The following MSRA variants were observed in gnomAD, a reference collection of about 807,000 sequenced individuals.
MSRA encodes the protein mitochondrial peptide methionine sulfoxide reductase.
A neutral mutation model predicts 31.3 loss-of-function variants in MSRA; 54 were observed. The observed-to-expected ratio is 1.73, with a 90% CI of 1.39 to 2.17. The LOEUF (loss-of-function observed/expected upper bound fraction) is 2.17, where lower values mean the gene tolerates loss of function less well. MSRA is among the 30% of genes most tolerant of loss of function. The pLI is 0.00. For synonymous variants in MSRA, 169 were observed against 116.5 expected (o/e 1.45, Z -2.90); for missense variants, 507 against 300.9 (o/e 1.69, Z -5.07).
intron 1 of MSRA, among the ~76,000 whole-genome samples, chr8:10,145,856 A>T (rs1462740025): frequency 6.6e-6 from 1 of 152,206 alleles, no homozygotes; most frequent in Admixed American, 6.5e-5. Context: ...TGATTTTGGC[A>T]TTGTAACTTG....
intron 3 of MSRA, among the ~76,000 whole-genome samples, chr8:10,263,363 GC>G (rs1798578416): frequency 6.6e-6 from 1 of 152,092 alleles, no homozygotes; most frequent in African/African-American, 2.4e-5. Context: ...GTGCTTCAGT[GC>G]TTACCATTCA....
chr8:10,291,727 TA>T (rs891183239), intron 3 of MSRA, among the ~76,000 whole-genome samples: 1 of 152,174 alleles, frequency 6.6e-6, no homozygotes, highest in African/African-American at 2.4e-5. Context: ...TGATTTGGTT[TA>T]ACGGTTTGGA....
chr8:10,325,189 T>C (rs576597385), intron 5 of MSRA, among the ~76,000 whole-genome samples: 1 of 152,264 alleles, frequency 6.6e-6, no homozygotes, highest in Admixed American at 6.5e-5. Flanking sequence ...AGGAATGATT[T>C]GCCACGATGG....
chr8:10,085,057 G>A (rs1798488092), intron 1 of MSRA, among the ~76,000 whole-genome samples: 1 of 151,986 alleles, frequency 6.6e-6, no homozygotes, highest in African/African-American at 2.4e-5. Context: ...TTTAAATATG[G>A]CAAAAATCGT....
At chr8:10,115,329 G>C (rs190554519) in intron 1 of MSRA, among the ~76,000 whole-genome samples, 2 of 152,334 alleles carry the variant, frequency 1.3e-5, no homozygotes, top group African/African-American at 4.8e-5. Flanking sequence ...TCACAGCGAA[G>C]AGGCCATTGA....
chr8:10,277,650 C>G (rs958790581), intron 3 of MSRA, among the ~76,000 whole-genome samples: 1 of 152,116 alleles, frequency 6.6e-6, no homozygotes, highest in African/African-American at 2.4e-5. Context: ...GTCAAAGAGC[C>G]TCAAATAACC....
chr8:10,082,500 A>T (rs561567931), intron 1 of MSRA, among the ~76,000 whole-genome samples: 1 of 152,198 alleles, frequency 6.6e-6, no homozygotes, highest in Admixed American at 6.5e-5. Flanking sequence ...CACAAAACAG[A>T]TGGAGCACTT....
intron 4 of MSRA, among the ~76,000 whole-genome samples, chr8:10,315,565 A>G (rs1801664895): frequency 6.6e-6 from 1 of 152,216 alleles, no homozygotes; most frequent in Admixed American, 6.5e-5. Context: ...TCTGGAAACT[A>G]CAAAGGTATA....
rs544925737 is a variant in MSRA, at chr8:10,085,237, G to A, written c.142+30579G>A. On this transcript the variant is annotated intron_variant, in intron 1 of 5. Transcript: ENST00000317173. ...CACATCCTGAGCATTCCTGCCTTTG[G>A]GTTTGTTCTTGAGAATACCCACCCT... 3.3e-5 allele frequency among the ~76,000 whole-genome samples: 5 copies of A among 152,020 alleles called. No individual in the cohort carries two copies. In the South Asian group the frequency reaches 8.3e-4, roughly 25 times the overall value.
rs530827835 is a variant in MSRA at position 10,106,811 on chromosome 8, A to C, written c.142+52153A>C. 1.9e-4 allele frequency among the ~76,000 whole-genome samples: 29 copies of C among 150,562 alleles called. No homozygotes were observed. The South Asian group carries it at 6.1e-3, about 31-fold the overall frequency. On this transcript the variant is annotated intron_variant, in intron 1 of 5. Transcript: ENST00000317173. Reference sequence around the variant, plus strand: ...CCTTAGGTCATTCCTTCTGTCTGCTACCCACCCACCTACCTACCCACTCAC... The same window carrying C: ...CCTTAGGTCATTCCTTCTGTCTGCTCCCCACCCACCTACCTACCCACTCAC...
At chr8:10,178,831 C>G (rs138065620) in intron 1 of MSRA, among the ~76,000 whole-genome samples, 41 of 152,262 alleles carry the variant, frequency 2.7e-4, no homozygotes, top group Middle Eastern at 3.4e-3. Flanking sequence ...AATAAAATAA[C>G]TGTTGTTTCC....
chr8:10,128,188 G>A (rs369934088), intron 1 of MSRA, among the ~76,000 whole-genome samples: 7 of 152,132 alleles, frequency 4.6e-5, no homozygotes, highest in African/African-American at 1.7e-4. Context: ...GACCAGCCTG[G>A]CCAACATGAT....
At chr8:10,366,855 G>A (rs146124062) in intron 5 of MSRA, among the ~76,000 whole-genome samples, 108 of 152,258 alleles carry the variant, frequency 7.1e-4, no homozygotes, top group African/African-American at 2.3e-3. Flanking sequence ...CTGACCACCA[G>A]ACCCAAGGCT....
In MSRA at chr8:10,087,359, C is replaced by G. The variant is rs576083996; in HGVS notation, c.142+32701C>G. On this transcript the variant is annotated intron_variant, in intron 1 of 5. Coordinates refer to ENST00000317173, the MANE Select transcript of MSRA (RefSeq NM_012331.5). ...TTTATAATGATTTGTTTGCATGTCT[C>G]TCTGTCTGTCCTGAGCTCCATGATG... Among the ~76,000 whole-genome samples the G allele has an allele frequency of 3.3e-5, 5 of 152,312 alleles. No individual in the cohort carries two copies. In the South Asian group the frequency reaches 8.3e-4, roughly 25 times the overall value.
chr8:10,287,649 C>T (rs982549809), intron 3 of MSRA, among the ~76,000 whole-genome samples: 1 of 152,190 alleles, frequency 6.6e-6, no homozygotes, highest in Non-Finnish European at 1.5e-5. Flanking sequence ...TGAATTTTTG[C>T]TCAGGGCTTT....
chr8:10,287,789 A>G (rs559710731), intron 3 of MSRA, among the ~76,000 whole-genome samples: 2 of 152,284 alleles, frequency 1.3e-5, no homozygotes, highest in African/African-American at 4.8e-5. Flanking sequence ...CCAGGGGTCA[A>G]GGGGACCATG....
intron 5 of MSRA, among the ~76,000 whole-genome samples, chr8:10,325,477 A>C (rs1802308600): frequency 2.0e-5 from 3 of 152,162 alleles, no homozygotes; most frequent in Admixed American, 2.0e-4. Context: ...ATCTGTGTAC[A>C]TATATTTGTT....
At chr8:10,173,167 C>G (rs1805747601) in intron 1 of MSRA, among the ~76,000 whole-genome samples, 1 of 152,224 alleles carries the variant, frequency 6.6e-6, no homozygotes. Context: ...TATTTAAAAT[C>G]TTAGTGCTTT....
chr8:10,213,741 G>C (rs1305961877), intron 2 of MSRA, among the ~76,000 whole-genome samples: 3 of 152,028 alleles, frequency 2.0e-5, no homozygotes, highest in African/African-American at 7.3e-5. Flanking sequence ...TGGACACTTA[G>C]GTTGCTTCCA....
Sources: allele counts gnomAD v4.1 joint callset (sites outside exome capture counted in the v4.1 genomes callset), GRCh38; gene constraint gnomAD v4.1.1; transcripts MANE v1.5; gene names NCBI Gene and HGNC (gene_info 2026-07-23, HGNC 2026-07-21).